The following ELFN2 variants were observed in gnomAD, a reference collection of about 807,000 sequenced individuals.
The protein encoded by ELFN2 is extracellular leucine rich repeat and fibronectin type III domain containing 2, also known as protein phosphatase 1 regulatory subunit 29.
A neutral mutation model predicts 45.5 loss-of-function variants in ELFN2; 17 were observed. The observed-to-expected ratio is 0.37, with a 90% confidence interval of 0.26 to 0.56. The LOEUF (loss-of-function observed/expected upper bound fraction) is 0.56, where lower values mean the gene tolerates loss of function less well. ELFN2 is among the 20% of genes least tolerant of loss of function. The pLI is 0.77. For synonymous variants in ELFN2, 550 were observed against 551.5 expected (o/e 1.00, Z 0.04); for missense variants, 922 against 1,183.2 (o/e 0.78, Z 3.24).
chr22:37,393,531 T>C (rs1005806738), intron 2 of ELFN2, among the ~76,000 whole-genome samples: 3 of 152,188 alleles, frequency 2.0e-5, no homozygotes, highest in African/African-American at 7.2e-5. Context: ...ACAGTATCGA[T>C]GAGGACAACA....
intron 1 of ELFN2, chr22:37,354,280 A>G (rs529019299): frequency 3.7e-4 from 56 of 152,320 alleles, no homozygotes; most frequent in African/African-American, 1.3e-3. Flanking sequence ...CATGTTCTTC[A>G]TCTTCATCAG....
intron 2 of ELFN2, among the ~76,000 whole-genome samples, chr22:37,397,770 G>A (rs1158473016): frequency 1.3e-5 from 2 of 149,846 alleles, no homozygotes; most frequent in African/African-American, 4.9e-5. Context: ...TTGGATCCAG[G>A]AGCTTCCTAA....
chr22:37,409,544 G>C (rs1231686568), intron 2 of ELFN2, among the ~76,000 whole-genome samples: 1 of 152,244 alleles, frequency 6.6e-6, no homozygotes, highest in African/African-American at 2.4e-5. Flanking sequence ...CCAACAGCGA[G>C]AGGAGCCCAG....
At chr22:37,402,506 G>A (rs1932388207) in intron 2 of ELFN2, among the ~76,000 whole-genome samples, 1 of 152,176 alleles carries the variant, frequency 6.6e-6, no homozygotes, top group African/African-American at 2.4e-5. Flanking sequence ...CTTTCCAACT[G>A]GTGATCTCAC....
intron 1 of ELFN2, among the ~76,000 whole-genome samples, chr22:37,361,413 C>A (rs2145622207): frequency 6.6e-6 from 1 of 151,814 alleles, no homozygotes; most frequent in Non-Finnish European, 1.5e-5. Flanking sequence ...AAGTTCCTGC[C>A]AGCCCCACTC....
At chr22:37,410,869 G>T (rs1355861704) in intron 2 of ELFN2, among the ~76,000 whole-genome samples, 1 of 152,214 alleles carries the variant, frequency 6.6e-6, no homozygotes, top group Non-Finnish European at 1.5e-5. Context: ...GCAGGCAGTA[G>T]GAGGGGCCAC....
At position 37,413,639 on chromosome 22, in the gene ELFN2, G is replaced by A. The variant is rs913154297; in HGVS notation, c.-463+4130C>T. 1.4e-4 allele frequency among the ~76,000 whole-genome samples: 21 copies of A among 151,884 alleles called. No homozygotes were observed. In the East Asian group the frequency reaches 4.1e-3, roughly 29 times the overall value. Reference sequence around the variant, plus strand: ...GGGAGGAGGCCTCAGAGCTAAGCCTGCAAATCTAAGCTCAAAGCCCACTGC... The same window carrying A: ...GGGAGGAGGCCTCAGAGCTAAGCCTACAAATCTAAGCTCAAAGCCCACTGC... On this transcript the variant is annotated intron_variant, in intron 2 of 2. Coordinates refer to ENST00000402918, the MANE Select transcript of ELFN2 (RefSeq NM_052906.5).
rs941689257 is a variant in ELFN2 at position 37,417,857 on chromosome 22, A to T, written c.-551T>A. ...CCCAGGCAGCAGCGGCAGCAGTAGC[A>T]ATGAGATCTCAGGTCCTGGCCCAGC... On this transcript the variant is annotated 5_prime_UTR_variant, in exon 2 of 3. Coordinates refer to ENST00000402918, the MANE Select transcript of ELFN2 (RefSeq NM_052906.5). The surrounding 1 kb of genome is among the most constrained non-coding windows in gnomAD (Gnocchi z 4.5). 1 of 152,892 alleles carries T rather than the reference A, an allele frequency of 6.5e-6. No individual in the cohort carries two copies. Among genetic ancestry groups the T allele is most frequent in the Admixed American group, 6.5e-5 (1 of 15,286 alleles). The allele number at this position is 152,892 out of a possible 1,614,324, so 9.5% of individuals were successfully genotyped here. A position where few individuals can be genotyped will look rare whatever the true frequency, so the allele number is the denominator to read the frequency against.
chr22:37,410,556 G>C (rs1157045493), intron 2 of ELFN2, among the ~76,000 whole-genome samples: 1 of 152,136 alleles, frequency 6.6e-6, no homozygotes, highest in East Asian at 1.9e-4. Context: ...TGCCATCTCA[G>C]CCCAGCCAGG....
chr22:37,397,666 T>C (rs1243112584), intron 2 of ELFN2, among the ~76,000 whole-genome samples: 11 of 152,194 alleles, frequency 7.2e-5, no homozygotes, highest in Non-Finnish European at 1.6e-4. Context: ...GACGTGGGGC[T>C]CTCACTTCCA....
intron 2 of ELFN2, among the ~76,000 whole-genome samples, chr22:37,376,917 C>G (rs1931599313): frequency 6.6e-6 from 1 of 152,186 alleles, no homozygotes; most frequent in South Asian, 2.1e-4. Flanking sequence ...GGGAGTTGCC[C>G]CAACTAACAT....
chr22:37,384,101 C>T (rs1336113994), intron 2 of ELFN2, among the ~76,000 whole-genome samples: 1 of 152,132 alleles, frequency 6.6e-6, no homozygotes, highest in Non-Finnish European at 1.5e-5. Context: ...CAGGGTGCCA[C>T]AGTCATCTTT....
At chr22:37,400,094 A>G (rs73412258) in intron 2 of ELFN2, among the ~76,000 whole-genome samples, 5,161 of 152,188 alleles carry the variant, frequency 0.034, 285 homozygotes, top group African/African-American at 0.12. Flanking sequence ...GCAGGTCCCT[A>G]GGAAACCGGG....
intron 1 of ELFN2, among the ~76,000 whole-genome samples, chr22:37,345,017 C>T (rs542672128): frequency 9.8e-5 from 15 of 152,294 alleles, no homozygotes; most frequent in African/African-American, 3.4e-4. Flanking sequence ...CCCTGAGGGG[C>T]CACGCTCCCG....
intron 2 of ELFN2, among the ~76,000 whole-genome samples, chr22:37,381,913 G>A (rs1043222282): frequency 1.6e-5 from 2 of 125,592 alleles, no homozygotes; most frequent in African/African-American, 6.0e-5. Flanking sequence ...CCGAGATCGC[G>A]CCTCTGCACT....
intron 1 of ELFN2, among the ~76,000 whole-genome samples, chr22:37,346,776 G>A (rs895236031): frequency 9.9e-5 from 15 of 151,954 alleles, no homozygotes; most frequent in Admixed American, 3.3e-4. Context: ...GTACACACAC[G>A]TTGCAAAACA....
rs531500232 is a variant in ELFN2 at position 37,345,604 on chromosome 22, A to G, written n.149-2901T>C. Among the ~76,000 whole-genome samples the G allele has an allele frequency of 1.3e-3, 201 of 150,196 alleles. 1 individual carries two copies. The highest frequency in any genetic ancestry group is 2.6e-3 in the Non-Finnish European group (176 of 67,668). ...ACTCTGTCACCCAGGCTGGAGTGCA[A>G]TGACACAATCTCAGCTCACTGCAGC... On this transcript the variant is annotated intron_variant and non_coding_transcript_variant, in intron 1 of 2. Transcript: ENST00000452946.
chr22:37,375,904 A>C lies in ELFN2; in HGVS notation c.-370T>G, dbSNP rs2145638271. On this transcript the variant is annotated 5_prime_UTR_variant, in exon 3 of 3. Coordinates refer to ENST00000402918, the MANE Select transcript of ELFN2 (RefSeq NM_052906.5). The stretch of plus-strand genomic sequence containing the variant: ...CCTTGGCTTCCGGGCTCAGAACTTC[A>C]GATGATTCCCACAGGAGGCTGGAGA... 2 of 334,748 alleles carry C rather than the reference A, an allele frequency of 6.0e-6. 1 individual carries two copies. The highest frequency in any genetic ancestry group is 8.4e-5 in the South Asian group (2 of 23,738). 20.7% of individuals were successfully genotyped at this position (334,748 alleles called of 1,614,324 possible).
chr22:37,415,200 T>G (rs133737), intron 2 of ELFN2, among the ~76,000 whole-genome samples: 82,792 of 152,058 alleles, frequency 0.54, 23,811 homozygotes, highest in African/African-American at 0.73. Flanking sequence ...CCCTTGCCTG[T>G]CCTGTCCCCC....
Sources: allele counts gnomAD v4.1 joint callset (sites outside exome capture counted in the v4.1 genomes callset), GRCh38; gene constraint gnomAD v4.1.1; non-coding constraint Gnocchi (gnomAD v3.1); transcripts MANE v1.5; gene names NCBI Gene and HGNC (gene_info 2026-07-23, HGNC 2026-07-21).